The following NRBP1 variants were observed in gnomAD, a reference collection of about 807,000 sequenced individuals.
The protein encoded by NRBP1 is nuclear receptor binding protein 1.
NRBP1 carries 10 observed loss-of-function variants against 76.0 expected under a neutral mutation model. That is an observed-to-expected ratio of 0.13 (90% CI 0.08 to 0.22). The LOEUF (loss-of-function observed/expected upper bound fraction) is 0.22, where lower values mean the gene tolerates loss of function less well. Ranked by LOEUF, NRBP1 falls within the 10% of genes least tolerant of loss-of-function variation. The probability of loss-of-function intolerance (pLI) is 1.00; values close to 1 mark genes in which losing one functional copy is unlikely to be tolerated. For synonymous variants in NRBP1, 235 were observed against 240.2 expected (o/e 0.98, Z 0.20); for missense variants, 344 against 646.0 (o/e 0.53, Z 5.07).
chr2:27,433,655 A>T lies in NRBP1; in HGVS notation c.211-18A>T. ...TGTGAGATAAGTTTAATTCTCTTTC[A>T]TATGAATTTCTTCTCAGGTGAATCA... On this transcript the variant is annotated intron_variant, in intron 2 of 17. Coordinates refer to ENST00000379852, the MANE Select transcript of NRBP1 (RefSeq NM_013392.4). The T allele has an allele frequency of 1.2e-6, 2 of 1,613,952 alleles. No individual in the cohort carries two copies. Among genetic ancestry groups the T allele is most frequent in the Non-Finnish European group, 1.7e-6 (2 of 1,179,970 alleles).
At chr2:27,439,401 C>T (rs1238173498) in intron 10 of NRBP1, among the ~76,000 whole-genome samples, 1 of 149,776 alleles carries the variant, frequency 6.7e-6, no homozygotes, top group African/African-American at 2.5e-5. Flanking sequence ...AGGAGAATGG[C>T]GTGAACCCGG....
rs966448859 is a variant in NRBP1, at chr2:27,433,241, C to G, written c.-20-13C>G. 6.3e-7 allele frequency: 1 copy of G among 1,580,642 alleles called. No homozygotes were observed. The highest frequency in any genetic ancestry group is 1.7e-5 in the Admixed American group (1 of 59,942). On this transcript the variant is annotated splice_polypyrimidine_tract_variant and intron_variant, in intron 1 of 17. Transcript: ENST00000379852. ...TCTGCCTTTTCCCTCTGTATTTGCC[C>G]CAACCAGTGCAGGCCTGAGTGTTCC...
At chr2:27,432,610 G>A (rs970705044) in intron 1 of NRBP1, among the ~76,000 whole-genome samples, 2 of 151,962 alleles carry the variant, frequency 1.3e-5, no homozygotes, top group East Asian at 3.9e-4. Context: ...TTGAGACAGG[G>A]TCTCCCTCTG....
intron 1 of NRBP1, among the ~76,000 whole-genome samples, chr2:27,431,009 A>T (rs2148444483): frequency 6.6e-6 from 1 of 152,326 alleles, no homozygotes; most frequent in African/African-American, 2.4e-5. Context: ...TACTTGTAAG[A>T]AATAACCTAG....
rs910710967 is a variant in NRBP1, at chr2:27,441,940, T to TG, written c.*135dup. 105 of 660,698 alleles carry TG rather than the reference T, an allele frequency of 1.6e-4. No individual in the cohort carries two copies. Among genetic ancestry groups the TG allele is most frequent in the African/African-American group, 8.6e-4 (48 of 55,600 alleles). 40.9% of individuals were successfully genotyped at this position (660,698 alleles called of 1,614,324 possible). ...TCCCTCCTTTATTATTCAGGAGGGC[T>TG]GGGGGGGCTCCCTGGTTCTGAGCAT... On this transcript the variant is annotated 3_prime_UTR_variant, in exon 18 of 18. Coordinates refer to ENST00000379852, the MANE Select transcript of NRBP1 (RefSeq NM_013392.4).
intron 10 of NRBP1, among the ~76,000 whole-genome samples, chr2:27,438,776 G>A (rs1309586701): frequency 6.6e-6 from 1 of 152,080 alleles, no homozygotes; most frequent in South Asian, 2.1e-4. Flanking sequence ...CCTGGGCAAC[G>A]TGGTAAAACC....
chr2:27,430,545 T>C (rs1435332138), intron 1 of NRBP1, among the ~76,000 whole-genome samples: 2 of 149,936 alleles, frequency 1.3e-5, no homozygotes, highest in Non-Finnish European at 3.0e-5. Context: ...CTGGGCTCAC[T>C]GCAACCTCCG....
At position 27,430,121 on chromosome 2, in the gene NRBP1, C is replaced by G. The variant is rs13390190; in HGVS notation, c.-21+1390C>G. Among the ~76,000 whole-genome samples the G allele has an allele frequency of 6.6e-3, 998 of 152,330 alleles. 8 individuals are homozygous for G. Among genetic ancestry groups the G allele is most frequent in the African/African-American group, 0.023 (959 of 41,572 alleles). On this transcript the variant is annotated intron_variant, in intron 1 of 17. Coordinates refer to ENST00000379852, the MANE Select transcript of NRBP1 (RefSeq NM_013392.4). ...CTCTCCAGCGATCCTCCCACTTCAG[C>G]CTCCTAAGTAGCTGGGATTACAGGC...
intron 12 of NRBP1, 48 bp downstream of exon 12, chr2:27,440,556 C>T (rs1664499648): frequency 6.3e-7 from 1 of 1,598,618 alleles, no homozygotes; most frequent in South Asian, 1.1e-5. Context: ...CACGACCACT[C>T]TTGAGGCTCT....
rs923706228 is a variant in NRBP1, at chr2:27,428,641, C to G, written c.-111C>G. 19 of 397,832 alleles carry G rather than the reference C, an allele frequency of 4.8e-5. No individual in the cohort carries two copies. The highest frequency in any genetic ancestry group is 5.8e-5 in the Non-Finnish European group (13 of 225,614). 24.6% of individuals were successfully genotyped at this position (397,832 alleles called of 1,614,324 possible). ...CGGGGCCCGCAGTTCGGTTGCGCTGCGGAGCGCAGCTGTGAGGGAGTCGCT... is the reference window on the plus strand; with the variant it reads ...CGGGGCCCGCAGTTCGGTTGCGCTGGGGAGCGCAGCTGTGAGGGAGTCGCT... On this transcript the variant is annotated 5_prime_UTR_variant, in exon 1 of 18. Coordinates refer to ENST00000379852, the MANE Select transcript of NRBP1 (RefSeq NM_013392.4).
Position 27,442,002 on chromosome 2 carries a change from C to CTTTG in NRBP1, c.*194_*197dup. 1 of 578,538 alleles carries CTTTG rather than the reference C, an allele frequency of 1.7e-6. No homozygotes were observed. Among genetic ancestry groups the CTTTG allele is most frequent in the South Asian group, 2.3e-5 (1 of 43,930 alleles). 35.8% of individuals were successfully genotyped at this position (578,538 alleles called of 1,614,324 possible). A position where few individuals can be genotyped will look rare whatever the true frequency, so the allele number is the denominator to read the frequency against. On this transcript the variant is annotated 3_prime_UTR_variant, in exon 18 of 18. Transcript: ENST00000379852. ...CTCCCCTCTCTTCCTCCCCTCTGCA[C>CTTTG]TTTGTTTACTTGTTTTGCACAGACG...
intron 4 of NRBP1, 31 bp downstream of exon 4, chr2:27,434,121 T>A (rs1239415712): frequency 6.7e-7 from 1 of 1,499,594 alleles, no homozygotes; most frequent in African/African-American, 1.4e-5. Context: ...TTTCCTGAAC[T>A]TATTGCAAAG....
At chr2:27,435,486 A>G (rs2148448747) in intron 7 of NRBP1, 2 of 608,010 alleles carry the variant, frequency 3.3e-6, no homozygotes, top group Non-Finnish European at 5.9e-6. Context: ...AAAGGGCAAG[A>G]GATAGGTTTG....
chr2:27,429,490 A>C (rs763412799), intron 1 of NRBP1: 1 of 151,712 alleles, frequency 6.6e-6, no homozygotes, highest in Admixed American at 6.6e-5. Flanking sequence ...CATTACTCCA[A>C]AGTGAACACA....
At chr2:27,441,434 A>G in intron 16 of NRBP1, 104 bp downstream of exon 16, 2 of 1,405,792 alleles carry the variant, frequency 1.4e-6, no homozygotes, top group South Asian at 1.2e-5. Flanking sequence ...ACATTGACTC[A>G]CATAGAATGA....
intron 1 of NRBP1, among the ~76,000 whole-genome samples, chr2:27,429,859 C>T (rs1664035461): frequency 4.6e-5 from 7 of 152,200 alleles, no homozygotes; most frequent in Admixed American, 4.6e-4. Context: ...TTGGCTACAG[C>T]TTTCCTGTAT....
At chr2:27,439,699 A>G in intron 10 of NRBP1, 67 bp from the exon 11 acceptor site, 1 of 1,585,776 alleles carries the variant, frequency 6.3e-7, no homozygotes, top group Non-Finnish European at 8.6e-7. Flanking sequence ...GTAGAATGAG[A>G]GCTATAAAGA....
intron 1 of NRBP1, 138 bp downstream of exon 1, chr2:27,428,869 G>C: frequency 2.5e-6 from 1 of 397,406 alleles, no homozygotes; most frequent in East Asian, 3.6e-5. Context: ...GCCCAGGCCC[G>C]ATCGGGCCCT....
chr2:27,441,439 G>C (rs1459299366), intron 16 of NRBP1, 109 bp downstream of exon 16: 2 of 1,424,850 alleles, frequency 1.4e-6, no homozygotes, highest in Admixed American at 1.7e-5. Flanking sequence ...GACTCACATA[G>C]AATGACTATC....
Sources: gnomAD v4.1 joint callset for allele counts (sites outside exome capture counted in the v4.1 genomes callset) on GRCh38, gnomAD v4.1.1 for gene constraint, MANE v1.5 for transcripts, NCBI Gene and HGNC (gene_info 2026-07-23, HGNC 2026-07-21) for gene names.